Variants in CUBN observed in about 807,000 individuals in gnomAD.
CUBN encodes 460 kDa receptor.
In CUBN, 282 loss-of-function variants were observed where a neutral mutation model predicts 405.3. The observed-to-expected ratio is 0.70, with a 90% CI of 0.63 to 0.77. CUBN has a LOEUF of 0.77. CUBN is among the 30% of genes least tolerant of loss of function. The pLI, the probability that CUBN is intolerant of heterozygous loss-of-function variation, is 0.00. For missense variants in CUBN, 4,514 were observed against 4,475.2 expected (o/e 1.01, Z -0.25); for synonymous variants, 1,684 against 1,617.0 (o/e 1.04, Z -0.99).
chr10:16,876,001 T>G (rs188441433), intron 57 of CUBN, among the ~76,000 whole-genome samples: 3 of 152,348 alleles, frequency 2.0e-5, no homozygotes, highest in Non-Finnish European at 4.4e-5. Flanking sequence ...CTTTACAAAC[T>G]GTGGGAGTCA....
At chr10:17,035,090 A>C (rs1046704808) in intron 27 of CUBN, among the ~76,000 whole-genome samples, 9 of 120,244 alleles carry the variant, frequency 7.5e-5, no homozygotes, top group Admixed American at 2.0e-4. Flanking sequence ...AAAAAAAAAA[A>C]ATAAACAAAT....
At chr10:16,898,827 A>G (rs1374472481) in intron 54 of CUBN, among the ~76,000 whole-genome samples, 169 bp downstream of exon 54, 1 of 152,182 alleles carries the variant, frequency 6.6e-6, no homozygotes, top group Non-Finnish European at 1.5e-5. Context: ...GTAAGAAAGA[A>G]AAGAAATTCT....
intron 31 of CUBN, among the ~76,000 whole-genome samples, chr10:16,965,146 C>T (rs997729602): frequency 5.3e-5 from 8 of 152,140 alleles, no homozygotes; most frequent in African/African-American, 1.7e-4. Flanking sequence ...TCTACTTCAT[C>T]CATGTCCCTC....
In CUBN at chr10:16,831,257, G is replaced by A; in HGVS notation, c.10523C>T (p.Pro3508Leu). 6.2e-7 allele frequency: 1 copy of A among 1,613,876 alleles called. No individual in the cohort carries two copies. The change falls in exon 65 of 67, where the codon CCC (proline) becomes CTC (leucine). Residue 3508 changes from proline to leucine, a missense_variant. This residue lies in a region of CUBN where 1,186 missense variants were observed against 1,186.9 expected (regional missense o/e 1.00). Transcript: ENST00000377833. ...RGYEIIWTSS[P>L]SGCGGTLYGD... Reference sequence around the variant, plus strand: ...ACAAAGTGCAAATGTCTTACCAGAGGGTGATGAAGTCCAGATGATTTCATA... The same window carrying A: ...ACAAAGTGCAAATGTCTTACCAGAGAGTGATGAAGTCCAGATGATTTCATA...
At chr10:17,005,855 C>T (rs1019074619) in intron 28 of CUBN, among the ~76,000 whole-genome samples, 4 of 152,070 alleles carry the variant, frequency 2.6e-5, no homozygotes, top group African/African-American at 4.8e-5. Flanking sequence ...TGACTGTCCT[C>T]GGGGATAGGG....
chr10:17,052,212 G>C (rs1020245918), intron 22 of CUBN, among the ~76,000 whole-genome samples: 1 of 152,120 alleles, frequency 6.6e-6, no homozygotes, highest in African/African-American at 2.4e-5. Flanking sequence ...TAAAAAACGA[G>C]AGTGTAACAT....
At position 16,990,506 on chromosome 10, in the gene CUBN, C is replaced by G. The variant is rs1334746730; in HGVS notation, c.4178G>C (p.Gly1393Ala). 5 of 1,614,136 alleles carry G rather than the reference C, an allele frequency of 3.1e-6. No individual in the cohort carries two copies. The Admixed American group carries it at 8.3e-5, about 27-fold the overall frequency. The change falls in exon 29 of 67, where the codon GGA becomes GCA. Residue 1393 changes from glycine to alanine, a missense_variant. By Grantham distance (60) the Gly-to-Ala change is moderately conservative. Around this residue, in one of 5 missense-constraint regions of CUBN, gnomAD observed 1,613 missense variants for 1,542.8 expected, o/e 1.05. Coordinates refer to ENST00000377833, the MANE Select transcript of CUBN (RefSeq NM_001081.4). ...GGAGCCTGTGGCCCCAGACAGCTCT[C>G]CACCACAACCTGTTAAAACAGAAAG... ...QMQWFVYGCG[G>A]ELSGATGSFS...
rs562134490 is a variant in CUBN at position 17,001,002 on chromosome 10, G to A, written c.4169-10487C>T. 1.3e-4 allele frequency among the ~76,000 whole-genome samples: 20 copies of A among 152,280 alleles called. No individual in the cohort carries two copies. In the South Asian group the frequency reaches 1.5e-3, roughly 11 times the overall value. Reference sequence around the variant, plus strand: ...GTGTCCGGAGTTTGCTCCTTCAAATGTTCAGATGTGTCCGGAGTTTCTTCC... The same window carrying A: ...GTGTCCGGAGTTTGCTCCTTCAAATATTCAGATGTGTCCGGAGTTTCTTCC... On this transcript the variant is annotated intron_variant, in intron 28 of 66. Transcript: ENST00000377833.
At chr10:16,922,961 C>A (rs1172598333) in intron 43 of CUBN, among the ~76,000 whole-genome samples, 1 of 151,734 alleles carries the variant, frequency 6.6e-6, no homozygotes, top group African/African-American at 2.4e-5. Context: ...GTGATCCTCC[C>A]AACTCAGCTT....
intron 14 of CUBN, among the ~76,000 whole-genome samples, chr10:17,095,741 T>C (rs1836359626): frequency 6.6e-6 from 1 of 152,146 alleles, no homozygotes; most frequent in South Asian, 2.1e-4. Context: ...CACTTCTGGT[T>C]ATATATCCAC....
At chr10:16,909,268 T>C (rs1167663578) in intron 48 of CUBN, among the ~76,000 whole-genome samples, 1 of 152,200 alleles carries the variant, frequency 6.6e-6, no homozygotes, top group Non-Finnish European at 1.5e-5. Flanking sequence ...TCTGGCTCAC[T>C]GGACCAGAAG....
chr10:16,884,081 G>A (rs1214526271), intron 56 of CUBN, among the ~76,000 whole-genome samples: 1 of 152,126 alleles, frequency 6.6e-6, no homozygotes, highest in Non-Finnish European at 1.5e-5. Context: ...CCGGGTTCAC[G>A]CCATTCTCCT....
chr10:16,862,160 T>TCTCACACACACACACACACACACA (rs144560387), intron 59 of CUBN, among the ~76,000 whole-genome samples: 11 of 131,204 alleles, frequency 8.4e-5, no homozygotes, highest in African/African-American at 3.6e-4. Flanking sequence ...TCTCTCTCTC[T>TCTCACACACACACACACACACACA]CACACACACA....
chr10:16,981,642 G>A (rs571836528), intron 31 of CUBN, among the ~76,000 whole-genome samples: 11 of 152,250 alleles, frequency 7.2e-5, no homozygotes, highest in East Asian at 1.9e-4. Context: ...GCCGTGGGCC[G>A]TGCACAGAGC....
At chr10:16,888,044 GAGT>G (rs1347462375) in intron 56 of CUBN, among the ~76,000 whole-genome samples, 21 of 152,336 alleles carry the variant, frequency 1.4e-4, no homozygotes, top group Admixed American at 1.0e-3. Flanking sequence ...TAGAAGCAGA[GAGT>G]AGAATGGTGG....
chr10:16,894,754 G>A (rs543551005), intron 54 of CUBN, among the ~76,000 whole-genome samples: 118 of 152,270 alleles, frequency 7.7e-4, no homozygotes, highest in Non-Finnish European at 1.4e-3. Context: ...AAATTTGATA[G>A]GAATTGCATT....
At chr10:16,914,951 A>C in intron 47 of CUBN, 81 bp downstream of exon 47, 1 of 1,292,598 alleles carries the variant, frequency 7.7e-7, no homozygotes, top group Non-Finnish European at 1.1e-6. Flanking sequence ...TTGTTTTTCA[A>C]ATATTTTAAC....
chr10:16,892,309 G>T (rs187398429), intron 54 of CUBN, among the ~76,000 whole-genome samples: 2 of 152,088 alleles, frequency 1.3e-5, no homozygotes, highest in African/African-American at 4.8e-5. Context: ...CAGATATTCT[G>T]CCAAATGCCT....
At chr10:17,127,718 G>A (rs1588662074) in intron 3 of CUBN, 111 bp downstream of exon 3, 1 of 727,792 alleles carries the variant, frequency 1.4e-6, no homozygotes, top group Admixed American at 2.3e-5. Context: ...GTAGTTACAT[G>A]CTAAATCTCT....
Sources: gnomAD v4.1 joint callset for allele counts (sites outside exome capture counted in the v4.1 genomes callset) on GRCh38, gnomAD v4.1.1 for gene constraint, gnomAD v4.1.1 regional missense constraint, MANE v1.5 for transcripts, NCBI Gene and HGNC (gene_info 2026-07-23, HGNC 2026-07-21) for gene names.